The following ULK4 variants were observed in gnomAD, a reference collection of about 807,000 sequenced individuals.
ULK4 encodes inactive serine/threonine-protein kinase ULK4.
A neutral mutation model predicts 160.6 loss-of-function variants in ULK4; 133 were observed. The observed-to-expected ratio is 0.83, with a 90% CI of 0.72 to 0.96. The LOEUF (loss-of-function observed/expected upper bound fraction) is 0.96, where lower values mean the gene tolerates loss of function less well. Ranked by LOEUF, ULK4 falls within the 40% of genes least tolerant of loss-of-function variation. The pLI is 0.00. For missense variants in ULK4, 1,580 were observed against 1,499.5 expected (o/e 1.05, Z -0.89); for synonymous variants, 534 against 539.8 (o/e 0.99, Z 0.15).
At chr3:41,516,480 C>A (rs2085750613) in intron 32 of ULK4, among the ~76,000 whole-genome samples, 1 of 151,476 alleles carries the variant, frequency 6.6e-6, no homozygotes, top group South Asian at 2.1e-4. Flanking sequence ...TAGTACTCCA[C>A]AATGGAGTAC....
chr3:41,732,427 C>A (rs1469839120), intron 22 of ULK4, among the ~76,000 whole-genome samples: 1 of 152,042 alleles, frequency 6.6e-6, no homozygotes, highest in Non-Finnish European at 1.5e-5. Context: ...CACCTCACCC[C>A]AGTTAGAGTG....
chr3:41,924,748 T>C (rs1699318428), intron 5 of ULK4, among the ~76,000 whole-genome samples: 2 of 152,116 alleles, frequency 1.3e-5, no homozygotes, highest in Non-Finnish European at 2.9e-5. Flanking sequence ...GCCCTGAAAG[T>C]TTAATTTCCT....
At chr3:41,773,185 A>G (rs2039465463) in intron 21 of ULK4, among the ~76,000 whole-genome samples, 2 of 151,974 alleles carry the variant, frequency 1.3e-5, no homozygotes, top group Non-Finnish European at 2.9e-5. Context: ...CTCTCTCACC[A>G]CTCCTATTCA....
chr3:41,793,190 A>AC (rs199721874), intron 20 of ULK4, among the ~76,000 whole-genome samples: 18,846 of 151,196 alleles, frequency 0.12, 1,342 homozygotes, highest in Middle Eastern at 0.26. Flanking sequence ...AAAACCAACA[A>AC]AAAAAAAATA....
chr3:41,433,958 G>A (rs146051719), intron 34 of ULK4, among the ~76,000 whole-genome samples: 8 of 152,218 alleles, frequency 5.3e-5, no homozygotes, highest in East Asian at 1.9e-4. Context: ...TCCTGACCTC[G>A]TGATCCGCCC....
chr3:41,485,960 T>C (rs1350235059), intron 32 of ULK4, among the ~76,000 whole-genome samples: 3 of 152,188 alleles, frequency 2.0e-5, no homozygotes, highest in Non-Finnish European at 1.5e-5. Flanking sequence ...ATATTCATTC[T>C]TTACCTCCTT....
At chr3:41,916,110 ATTT>A in intron 7 of ULK4, 58 bp from the exon 8 acceptor site, 1 of 1,095,718 alleles carries the variant, frequency 9.1e-7, no homozygotes, top group Middle Eastern at 2.3e-4. Context: ...TATCAATTTT[ATTT>A]TTATCTCTTA....
chr3:41,286,541 A>C (rs2079461137), intron 35 of ULK4, among the ~76,000 whole-genome samples: 1 of 152,154 alleles, frequency 6.6e-6, no homozygotes. Flanking sequence ...GGAGGCCTTC[A>C]GGAAGAGGAG....
chr3:41,600,825 G>A (rs1013825245), intron 31 of ULK4, among the ~76,000 whole-genome samples: 1 of 152,164 alleles, frequency 6.6e-6, no homozygotes, highest in Non-Finnish European at 1.5e-5. Flanking sequence ...ACTGAATTTA[G>A]CAATGATTGC....
chr3:41,567,483 C>G (rs1401374875), intron 31 of ULK4, among the ~76,000 whole-genome samples: 1 of 132,030 alleles, frequency 7.6e-6, no homozygotes, highest in African/African-American at 2.9e-5. Flanking sequence ...GAGTCTCGCT[C>G]TGTCGCCAGG....
intron 35 of ULK4, among the ~76,000 whole-genome samples, chr3:41,373,567 AAAG>A (rs1348216920): frequency 1.3e-5 from 2 of 152,210 alleles, no homozygotes; most frequent in South Asian, 2.1e-4. Flanking sequence ...AGGCAGAAAT[AAAG>A]AAGTTCTTTG....
intron 31 of ULK4, among the ~76,000 whole-genome samples, chr3:41,572,199 T>A (rs1575432380): frequency 6.6e-6 from 1 of 152,160 alleles, no homozygotes; most frequent in African/African-American, 2.4e-5. Context: ...CTAATCACCA[T>A]GAAGCATTGC....
At chr3:41,389,096 T>G (rs2081892587) in intron 35 of ULK4, among the ~76,000 whole-genome samples, 1 of 152,122 alleles carries the variant, frequency 6.6e-6, no homozygotes, top group African/African-American at 2.4e-5. Context: ...TTCACATCCC[T>G]TGTAGGCTGG....
At chr3:41,832,621 A>G (rs1038322785) in intron 18 of ULK4, among the ~76,000 whole-genome samples, 1 of 152,222 alleles carries the variant, frequency 6.6e-6, no homozygotes, top group Non-Finnish European at 1.5e-5. Flanking sequence ...GCCCATGCCT[A>G]TGTCCTAAAT....
chr3:41,877,679 C>G (rs566564863), intron 17 of ULK4, among the ~76,000 whole-genome samples: 3 of 152,106 alleles, frequency 2.0e-5, no homozygotes, highest in South Asian at 4.2e-4. Flanking sequence ...AAGGTAAAAA[C>G]GAATTTTAAA....
rs146974622 is a variant in ULK4, at chr3:41,556,719, C to T, written c.3226+9306G>A. Among the ~76,000 whole-genome samples, 460 of 152,114 alleles carry T rather than the reference C, an allele frequency of 3.0e-3. 1 individual carries two copies. The highest frequency in any genetic ancestry group is 5.6e-3 in the Non-Finnish European group (384 of 68,008). On this transcript the variant is annotated intron_variant, in intron 32 of 36. Transcript: ENST00000301831. ...AGCCAGGATGGTCTCCATCTGCTGA[C>T]CTCGTAATCCGCCCACCTCAGCCTC... is the stretch of plus-strand genomic sequence containing the variant.
intron 33 of ULK4, among the ~76,000 whole-genome samples, chr3:41,456,150 T>C (rs1417304999): frequency 6.6e-6 from 1 of 152,172 alleles, no homozygotes; most frequent in Non-Finnish European, 1.5e-5. Flanking sequence ...CCTCACGTGA[T>C]CCACCCATCA....
intron 32 of ULK4, among the ~76,000 whole-genome samples, chr3:41,471,934 CAA>C (rs201968512): frequency 5.9e-4 from 77 of 131,092 alleles, no homozygotes; most frequent in African/African-American, 1.6e-3. Context: ...TGTTATATCT[CAA>C]AAAAAAAAAA....
chr3:41,827,404 A>G (rs965200257), intron 18 of ULK4, among the ~76,000 whole-genome samples: 1 of 152,094 alleles, frequency 6.6e-6, no homozygotes, highest in African/African-American at 2.4e-5. Flanking sequence ...CAAAATTGAT[A>G]GACCACTAGC....
Sources: gnomAD v4.1 joint callset for allele counts (sites outside exome capture counted in the v4.1 genomes callset) on GRCh38, gnomAD v4.1.1 for gene constraint, MANE v1.5 for transcripts, NCBI Gene and HGNC (gene_info 2026-07-23, HGNC 2026-07-21) for gene names.